Variants in SNTG2 observed in about 807,000 individuals in gnomAD.
The protein encoded by SNTG2 is gamma-2-syntrophin.
A neutral mutation model predicts 70.9 loss-of-function variants in SNTG2; 74 were observed. The observed-to-expected ratio is 1.04, with a 90% confidence interval of 0.86 to 1.27. The LOEUF is 1.27. Among genes scored for constraint, SNTG2 ranks in the 50% most tolerant of loss-of-function variants. The pLI, the probability that SNTG2 is intolerant of heterozygous loss-of-function variation, is 0.00. For synonymous variants in SNTG2, 278 were observed against 273.8 expected (o/e 1.02, Z -0.15); for missense variants, 717 against 690.7 (o/e 1.04, Z -0.43).
At chr2:1,294,120 G>A (rs768156473) in intron 14 of SNTG2, among the ~76,000 whole-genome samples, 25 of 152,146 alleles carry the variant, frequency 1.6e-4, no homozygotes, top group Non-Finnish European at 2.8e-4. Context: ...TCTCCAGATC[G>A]TCTGTCCCTG....
chr2:1,274,120 A>C (rs1463372522), intron 14 of SNTG2, among the ~76,000 whole-genome samples: 1 of 152,226 alleles, frequency 6.6e-6, no homozygotes, highest in Non-Finnish European at 1.5e-5. Context: ...AGAATGAGTA[A>C]ATTTTAAAAG....
chr2:1,201,323 CA>C (rs1424359621), intron 8 of SNTG2, among the ~76,000 whole-genome samples: 6 of 151,694 alleles, frequency 4.0e-5, no homozygotes, highest in African/African-American at 1.5e-4. Context: ...TGTTATCACT[CA>C]TATAGTAAGA....
chr2:964,925 T>C (rs1420601195), intron 1 of SNTG2, among the ~76,000 whole-genome samples: 4 of 152,128 alleles, frequency 2.6e-5, no homozygotes, highest in African/African-American at 9.7e-5. Flanking sequence ...CTCTGTCCTG[T>C]TGGCCCTGGG....
chr2:1,338,996 A>G (rs1322387964), intron 16 of SNTG2, among the ~76,000 whole-genome samples: 2 of 152,198 alleles, frequency 1.3e-5, no homozygotes, highest in Non-Finnish European at 2.9e-5. Context: ...GAAGGTTCCA[A>G]TTTCTCCGCA....
intron 14 of SNTG2, among the ~76,000 whole-genome samples, 167 bp from the exon 15 acceptor site, chr2:1,308,326 TC>T (rs1445988578): frequency 1.3e-5 from 2 of 152,182 alleles, no homozygotes; most frequent in Non-Finnish European, 2.9e-5. Flanking sequence ...ATGCAGTTGT[TC>T]CTGTGGGTCT....
rs74822438 is a variant in SNTG2 at position 1,316,010 on chromosome 2, C to T, written c.1378-255C>T. 9.9e-3 allele frequency among the ~76,000 whole-genome samples: 1,514 copies of T among 152,254 alleles called. 22 individuals are homozygous for T. The highest frequency in any genetic ancestry group is 0.034 in the African/African-American group (1,412 of 41,560). On this transcript the variant is annotated intron_variant, in intron 15 of 16. Coordinates refer to ENST00000308624, the MANE Select transcript of SNTG2 (RefSeq NM_018968.4). The stretch of plus-strand genomic sequence containing the variant: ...GGACTGAGGACCGTGGATGCTGATG[C>T]ATCCCCAAGACATGTGGGGCAGCTA...
At position 1,162,805 on chromosome 2, in the gene SNTG2, C is replaced by T. The variant is rs78225899; in HGVS notation, c.412-2743C>T. On this transcript the variant is annotated intron_variant, in intron 6 of 16. Coordinates refer to ENST00000308624, the MANE Select transcript of SNTG2 (RefSeq NM_018968.4). The stretch of plus-strand genomic sequence containing the variant: ...GGGGGGAGGATAGAATCAGACAAAT[C>T]TGCTAGTGGTTAAGCTTTGACACTT... 4.0e-3 allele frequency among the ~76,000 whole-genome samples: 613 copies of T among 152,276 alleles called. 12 individuals carry two copies. Among genetic ancestry groups the T allele is most frequent in the East Asian group, 0.036 (185 of 5,168 alleles).
chr2:1,256,044 G>A (rs975896672), intron 12 of SNTG2, among the ~76,000 whole-genome samples: 65 of 150,468 alleles, frequency 4.3e-4, no homozygotes, highest in Admixed American at 2.1e-3. Flanking sequence ...CAATTTTGTC[G>A]TTGTGCAAAC....
chr2:1,290,738 C>T (rs540186091), intron 14 of SNTG2, among the ~76,000 whole-genome samples: 1 of 152,214 alleles, frequency 6.6e-6, no homozygotes, highest in Non-Finnish European at 1.5e-5. Flanking sequence ...CAGGCCTTAA[C>T]TCCAACAGTG....
intron 1 of SNTG2, among the ~76,000 whole-genome samples, chr2:1,031,528 A>ATATATATATATTTT: frequency 1.7e-5 from 1 of 59,122 alleles, no homozygotes; most frequent in Non-Finnish European, 3.1e-5. Flanking sequence ...ATATATATAT[A>ATATATATATATTTT]TTTTTTTTTT....
At chr2:1,175,846 T>C (rs1671440016) in intron 8 of SNTG2, among the ~76,000 whole-genome samples, 1 of 152,176 alleles carries the variant, frequency 6.6e-6, no homozygotes, top group African/African-American at 2.4e-5. Flanking sequence ...TTCGGTGCCA[T>C]TTCAGGAAAG....
At chr2:1,186,568 C>G (rs543435765) in intron 8 of SNTG2, among the ~76,000 whole-genome samples, 2 of 152,240 alleles carry the variant, frequency 1.3e-5, no homozygotes, top group South Asian at 2.1e-4. Flanking sequence ...CCTCAGAAAA[C>G]TTAAACAATC....
At chr2:1,147,429 T>C (rs1669172191) in intron 6 of SNTG2, among the ~76,000 whole-genome samples, 1 of 152,182 alleles carries the variant, frequency 6.6e-6, no homozygotes, top group Non-Finnish European at 1.5e-5. Flanking sequence ...GTGAAAAGCC[T>C]AGATTGGCCT....
intron 1 of SNTG2, among the ~76,000 whole-genome samples, chr2:981,523 T>C (rs1386468196): frequency 3.3e-5 from 5 of 151,900 alleles, no homozygotes; most frequent in Non-Finnish European, 5.9e-5. Flanking sequence ...CACTCACACA[T>C]GTTCCAAACT....
intron 8 of SNTG2, among the ~76,000 whole-genome samples, chr2:1,175,196 T>C (rs576086722): frequency 6.6e-5 from 10 of 152,344 alleles, no homozygotes; most frequent in Non-Finnish European, 1.0e-4. Context: ...TAACCAGTTG[T>C]CTCAACACTA....
chr2:1,121,816 G>A (rs1200334799), intron 4 of SNTG2, among the ~76,000 whole-genome samples: 1 of 152,158 alleles, frequency 6.6e-6, no homozygotes, highest in African/African-American at 2.4e-5. Context: ...GTGGGGATCA[G>A]GGTGATTGCA....
intron 8 of SNTG2, among the ~76,000 whole-genome samples, chr2:1,175,078 T>G (rs1446275614): frequency 6.6e-6 from 1 of 152,212 alleles, no homozygotes; most frequent in Non-Finnish European, 1.5e-5. Context: ...CCTTATATTT[T>G]CCTCTAAATA....
rs377131353 is a variant in SNTG2, at chr2:1,157,867, C to T, written c.412-7681C>T. Among the ~76,000 whole-genome samples the T allele has an allele frequency of 1.1e-4, 17 of 152,296 alleles. 1 individual carries two copies. In the East Asian group the frequency reaches 3.1e-3, roughly 28 times the overall value. ...TGCTCTGGGAGGTTTTGGAAGGATT[C>T]TAAAGCTATAGATGGATATTTTATG... is the stretch of plus-strand genomic sequence containing the variant. On this transcript the variant is annotated intron_variant, in intron 6 of 16. Transcript: ENST00000308624.
chr2:1,250,391 C>G lies in SNTG2; in HGVS notation c.1005+2948C>G, dbSNP rs138254456. Among the ~76,000 whole-genome samples the G allele has an allele frequency of 5.2e-3, 787 of 152,208 alleles. 3 individuals are homozygous for G. The highest frequency in any genetic ancestry group is 0.018 in the African/African-American group (738 of 41,546). On this transcript the variant is annotated intron_variant, in intron 12 of 16. Transcript: ENST00000308624. The stretch of plus-strand genomic sequence containing the variant: ...TCTCCCTGTCTCTCTGTCTCTGTCT[C>G]TCTCTGTCTCTATTTATATCTCTTT...
Sources: gnomAD v4.1 joint callset for allele counts (sites outside exome capture counted in the v4.1 genomes callset) on GRCh38, gnomAD v4.1.1 for gene constraint, MANE v1.5 for transcripts, NCBI Gene and HGNC (gene_info 2026-07-23, HGNC 2026-07-21) for gene names.